SLC24A4: variants seen among roughly 807,000 people sequenced by gnomAD.
SLC24A4 encodes sodium/potassium/calcium exchanger 4.
SLC24A4 carries 53 observed loss-of-function variants against 79.0 expected under a neutral mutation model. The ratio of observed to expected loss-of-function variants is 0.67; its 90% CI spans 0.54 to 0.84. The LOEUF (loss-of-function observed/expected upper bound fraction) is 0.84, where lower values mean the gene tolerates loss of function less well. Ranked by LOEUF, SLC24A4 falls within the 40% of genes least tolerant of loss-of-function variation. The pLI, the probability that SLC24A4 is intolerant of heterozygous loss-of-function variation, is 0.00. For missense variants in SLC24A4, 731 were observed against 822.0 expected, an observed-to-expected ratio of 0.89 and a Z score of 1.35; for synonymous variants, 323 against 323.8, an observed-to-expected ratio of 1.00 and a Z score of 0.03.
At chr14:92,358,527 C>T (rs12887171) in intron 2 of SLC24A4, among the ~76,000 whole-genome samples, 83,492 of 151,270 alleles carry the variant, frequency 0.55, 26,267 homozygotes, top group East Asian at 0.78. Flanking sequence ...CTCAAATATC[C>T]GCTGGCCTCC....
intron 2 of SLC24A4, among the ~76,000 whole-genome samples, chr14:92,380,436 C>A (rs1274537843): frequency 6.6e-6 from 1 of 152,176 alleles, no homozygotes; most frequent in Admixed American, 6.5e-5. Context: ...TTTTTGCCCC[C>A]TTAGATCCAT....
chr14:92,484,756 A>T (rs1018583469), intron 13 of SLC24A4: 2 of 984,684 alleles, frequency 2.0e-6, no homozygotes, highest in African/African-American at 3.5e-5. Context: ...TTCACACCCT[A>T]CTCCCAGCCC....
At chr14:92,372,599 A>G (rs1420345926) in intron 2 of SLC24A4, among the ~76,000 whole-genome samples, 2 of 152,126 alleles carry the variant, frequency 1.3e-5, no homozygotes, top group East Asian at 3.9e-4. Flanking sequence ...TGGGTTGCAG[A>G]GCTGGGATGG....
chr14:92,453,116 G>A (rs936663408), intron 10 of SLC24A4: 2 of 152,280 alleles, frequency 1.3e-5, no homozygotes, highest in East Asian at 1.9e-4. Context: ...GCAGGTTTAT[G>A]AAGATGGCAA....
rs146994323 is a variant in SLC24A4, at chr14:92,496,422, C to T, written c.*2794C>T. The T allele has an allele frequency of 2.2e-4, 33 of 152,134 alleles. No homozygotes were observed. Among genetic ancestry groups the T allele is most frequent in the African/African-American group, 8.0e-4 (33 of 41,494 alleles). The allele number at this position is 152,134 out of a possible 1,614,324, so 9.4% of individuals were successfully genotyped here. A position where few individuals can be genotyped will look rare whatever the true frequency, so the allele number is the denominator to read the frequency against. On this transcript the variant is annotated 3_prime_UTR_variant, in exon 17 of 17. Transcript: ENST00000532405. Reference sequence around the variant, plus strand: ...TCATTAGCATGGGATAATTACTCTGCTACAGAAATAGGCAATTTAAAAAAA... The same window carrying T: ...TCATTAGCATGGGATAATTACTCTGTTACAGAAATAGGCAATTTAAAAAAA...
intron 2 of SLC24A4, among the ~76,000 whole-genome samples, chr14:92,336,181 T>C (rs1885790591): frequency 6.6e-6 from 1 of 151,884 alleles, no homozygotes; most frequent in South Asian, 2.1e-4. Flanking sequence ...GAGTTAAAAA[T>C]GGAAATTATA....
intron 2 of SLC24A4, among the ~76,000 whole-genome samples, chr14:92,395,620 G>A (rs1889729079): frequency 6.6e-6 from 1 of 152,072 alleles, no homozygotes; most frequent in Non-Finnish European, 1.5e-5. Flanking sequence ...CTAAAATCAG[G>A]GAGTTTCTAG....
intron 10 of SLC24A4, chr14:92,451,653 A>T (rs904300591): frequency 6.6e-6 from 1 of 152,248 alleles, no homozygotes; most frequent in Non-Finnish European, 1.5e-5. Context: ...GCTTCTTGAC[A>T]GGAAAAGTGG....
At chr14:92,440,005 G>C (rs1317042977) in intron 4 of SLC24A4, among the ~76,000 whole-genome samples, 4 of 152,222 alleles carry the variant, frequency 2.6e-5, no homozygotes, top group African/African-American at 9.6e-5. Context: ...AGCACCTCCT[G>C]TGTGTGGAGT....
At chr14:92,421,382 C>A (rs1488680832) in intron 2 of SLC24A4, among the ~76,000 whole-genome samples, 1 of 152,136 alleles carries the variant, frequency 6.6e-6, no homozygotes, top group Non-Finnish European at 1.5e-5. Context: ...CAATTAGTCC[C>A]TTCCCTACCC....
At chr14:92,349,460 T>C (rs1394174459) in intron 2 of SLC24A4, among the ~76,000 whole-genome samples, 1 of 152,224 alleles carries the variant, frequency 6.6e-6, no homozygotes, top group Non-Finnish European at 1.5e-5. Flanking sequence ...GTGCCCAGCC[T>C]AGAAGATGTT....
At chr14:92,382,107 TAC>T (rs149711239) in intron 2 of SLC24A4, among the ~76,000 whole-genome samples, 3 of 151,450 alleles carry the variant, frequency 2.0e-5, no homozygotes, top group Non-Finnish European at 4.4e-5. Flanking sequence ...TATATAAACA[TAC>T]ACACACACAC....
chr14:92,483,771 T>C, intron 13 of SLC24A4: 1 of 1,290,076 alleles, frequency 7.8e-7, no homozygotes, highest in Non-Finnish European at 1.0e-6. Flanking sequence ...TGCAGTTCTG[T>C]TGATTGTGAA....
rs1884925711 is a variant in SLC24A4 at position 92,323,643 on chromosome 14, C to T, written c.-188C>T. ...GGGACTCTGAGCTCCGGCCGCGTCGCGCGTCCCCACCTTCCCAAGGGGCTC... is the reference window on the plus strand; with the variant it reads ...GGGACTCTGAGCTCCGGCCGCGTCGTGCGTCCCCACCTTCCCAAGGGGCTC... On this transcript the variant is annotated 5_prime_UTR_variant, in exon 1 of 17. Coordinates refer to ENST00000532405, the MANE Select transcript of SLC24A4 (RefSeq NM_153646.4). The surrounding 1 kb of genome is among the most constrained non-coding windows in gnomAD (Gnocchi z 4.9). The T allele has an allele frequency of 3.4e-6, 2 of 587,226 alleles. No individual in the cohort carries two copies. The highest frequency in any genetic ancestry group is 6.0e-5 in the South Asian group (2 of 33,216). 36.4% of individuals were successfully genotyped at this position (587,226 alleles called of 1,614,324 possible). A position where few individuals can be genotyped will look rare whatever the true frequency, so the allele number is the denominator to read the frequency against.
chr14:92,404,207 T>C (rs1890256096), intron 2 of SLC24A4, among the ~76,000 whole-genome samples: 2 of 152,194 alleles, frequency 1.3e-5, no homozygotes, highest in African/African-American at 4.8e-5. Flanking sequence ...AATGCTACCA[T>C]CGTCTCTGGC....
intron 12 of SLC24A4, among the ~76,000 whole-genome samples, chr14:92,458,248 A>G (rs1338498218): frequency 6.6e-6 from 1 of 152,180 alleles, no homozygotes; most frequent in Non-Finnish European, 1.5e-5. Context: ...CTTTCTTCAC[A>G]TTAAGAGCAG....
chr14:92,384,610 A>C (rs61673731), intron 2 of SLC24A4, among the ~76,000 whole-genome samples: 9,971 of 152,138 alleles, frequency 0.066, 807 homozygotes, highest in African/African-American at 0.18. Context: ...CGGCAAGTTC[A>C]GAGCCCCAAC....
At chr14:92,358,118 ATTCTTTTC>A (rs1887284367) in intron 2 of SLC24A4, among the ~76,000 whole-genome samples, 1 of 152,198 alleles carries the variant, frequency 6.6e-6, no homozygotes, top group Non-Finnish European at 1.5e-5. Flanking sequence ...CTACTCCAAA[ATTCTTTTC>A]TTCCTAAAAT....
intron 9 of SLC24A4, among the ~76,000 whole-genome samples, chr14:92,448,345 T>TACACACACACAC (rs71877757): frequency 0.063 from 8,293 of 131,944 alleles, 340 homozygotes; most frequent in African/African-American, 0.075. Flanking sequence ...TCCCACTACA[T>TACACACACACAC]ACACACACAC....
Sources: gnomAD v4.1 joint callset for allele counts (sites outside exome capture counted in the v4.1 genomes callset) on GRCh38, gnomAD v4.1.1 for gene constraint, Gnocchi (gnomAD v3.1) non-coding constraint, MANE v1.5 for transcripts, NCBI Gene and HGNC (gene_info 2026-07-23, HGNC 2026-07-21) for gene names.